The following DSE variants were observed in gnomAD, a reference collection of about 807,000 sequenced individuals.
The protein encoded by DSE is dermatan sulfate epimerase, also known as dermatan-sulfate epimerase.
Under a neutral mutation model 84.4 loss-of-function variants are expected in DSE, and 36 were observed. That is an observed-to-expected ratio of 0.43 (90% CI 0.33 to 0.56). The LOEUF is 0.56. DSE is among the 20% of genes least tolerant of loss of function. The pLI, the probability that DSE is intolerant of heterozygous loss-of-function variation, is 0.06. For missense variants in DSE, 862 were observed against 1,169.6 expected, an observed-to-expected ratio of 0.74 and a Z score of 3.84; for synonymous variants, 410 against 430.1, an observed-to-expected ratio of 0.95 and a Z score of 0.58.
intron 2 of DSE, among the ~76,000 whole-genome samples, chr6:116,424,114 G>A (rs1222836004): frequency 1.3e-5 from 2 of 152,170 alleles, no homozygotes; most frequent in African/African-American, 4.8e-5. Context: ...GGTGTATATA[G>A]TGCCATTTAT....
intron 2 of DSE, among the ~76,000 whole-genome samples, chr6:116,301,522 A>G (rs1775040534): frequency 6.6e-6 from 1 of 152,166 alleles, no homozygotes; most frequent in South Asian, 2.1e-4. Context: ...CTCACTCTTC[A>G]TCTTCCAATG....
intron 2 of DSE, among the ~76,000 whole-genome samples, chr6:116,300,888 G>T (rs1774996816): frequency 6.6e-6 from 1 of 152,164 alleles, no homozygotes; most frequent in Non-Finnish European, 1.5e-5. Flanking sequence ...CAATTTGAGT[G>T]AAGTCATTTA....
At chr6:116,335,659 G>A (rs1211854148) in intron 2 of DSE, among the ~76,000 whole-genome samples, 2 of 152,230 alleles carry the variant, frequency 1.3e-5, no homozygotes, top group African/African-American at 4.8e-5. Flanking sequence ...TTCATTCTAT[G>A]AAACAGAAGT....
chr6:116,284,467 C>T (rs892440194), intron 2 of DSE, among the ~76,000 whole-genome samples: 1 of 152,132 alleles, frequency 6.6e-6, no homozygotes, highest in Non-Finnish European at 1.5e-5. Flanking sequence ...AAGTTTGTCT[C>T]AAAAGCCTGT....
Position 116,437,638 on chromosome 6 carries a change from T to C in DSE, c.*293T>C, listed in dbSNP as rs1784268222. On this transcript the variant is annotated 3_prime_UTR_variant, in exon 6 of 6. Coordinates refer to ENST00000644252, the MANE Select transcript of DSE (RefSeq NM_013352.4). ...TAGAAGAAACAAAAAGTCTATTTTT[T>C]AAAGTAATGTTTTTTCTTATGAGAA... The C allele has an allele frequency of 9.1e-6, 2 of 219,810 alleles. No homozygotes were observed. Among genetic ancestry groups the C allele is most frequent in the Non-Finnish European group, 1.8e-5 (2 of 113,656 alleles). The allele number at this position is 219,810 out of a possible 1,614,324, so 13.6% of individuals were successfully genotyped here.
At chr6:116,329,782 G>A (rs1018004623) in intron 2 of DSE, among the ~76,000 whole-genome samples, 1 of 152,170 alleles carries the variant, frequency 6.6e-6, no homozygotes, top group African/African-American at 2.4e-5. Flanking sequence ...AACATAAAGT[G>A]ATTATTCTTC....
intron 2 of DSE, chr6:116,277,908 CAAAAAAAAAAAAAAA>C (rs57691187): frequency 3.5e-5 from 2 of 57,336 alleles, no homozygotes; most frequent in African/African-American, 5.6e-5. Context: ...TCCTCCGTCT[CAAAAAAAAAAAAAAA>C]AAAAAAAAAA....
At chr6:116,265,223 G>A (rs1226409495) in intron 2 of DSE, among the ~76,000 whole-genome samples, 1 of 152,134 alleles carries the variant, frequency 6.6e-6, no homozygotes, top group African/African-American at 2.4e-5. Flanking sequence ...CATGCTGGAG[G>A]TGGTGTTGAC....
chr6:116,387,041 T>C (rs1033018773), intron 1 of DSE, among the ~76,000 whole-genome samples: 2 of 152,196 alleles, frequency 1.3e-5, no homozygotes, highest in African/African-American at 2.4e-5. Flanking sequence ...CCAGATTAGA[T>C]TGCATAAGTG....
chr6:116,414,169 C>T (rs994196020), intron 2 of DSE, among the ~76,000 whole-genome samples: 1 of 152,096 alleles, frequency 6.6e-6, no homozygotes, highest in African/African-American at 2.4e-5. Flanking sequence ...TCTCTCAGTT[C>T]TGGAAGCTAG....
intron 2 of DSE, among the ~76,000 whole-genome samples, chr6:116,318,697 A>G (rs1007645653): frequency 2.6e-5 from 4 of 152,246 alleles, no homozygotes; most frequent in African/African-American, 9.6e-5. Flanking sequence ...GCATCAAATT[A>G]CCTGGCTAAT....
chr6:116,264,885 G>A (rs1353484607), intron 2 of DSE, among the ~76,000 whole-genome samples: 4 of 152,122 alleles, frequency 2.6e-5, no homozygotes, highest in African/African-American at 9.7e-5. Flanking sequence ...GTAATTCTGG[G>A]GGAACTTATA....
chr6:116,327,896 C>T (rs1776717406), intron 2 of DSE, among the ~76,000 whole-genome samples: 1 of 152,198 alleles, frequency 6.6e-6, no homozygotes, highest in South Asian at 2.1e-4. Context: ...GGTATTTTCA[C>T]TACTTTTAGT....
At chr6:116,433,585 G>T in intron 5 of DSE, 35 bp downstream of exon 5, 6 of 1,572,892 alleles carry the variant, frequency 3.8e-6, no homozygotes, top group Non-Finnish European at 5.2e-6. Context: ...AAGAGAAATG[G>T]TACCCAAGGG....
upstream of DSE, among the ~76,000 whole-genome samples, chr6:116,365,637 C>G (rs968821216): frequency 2.6e-5 from 4 of 152,172 alleles, no homozygotes; most frequent in African/African-American, 9.7e-5. Flanking sequence ...CTAACTCTGG[C>G]TGCACATTGG....
chr6:116,292,953 G>A lies in DSE; in HGVS notation c.-54+33986G>A, dbSNP rs77052973. ...GATGTGTACCCAGTTGCCAACAGTGGTGATCTCTGGGGGATGAGGATGGGA... is the reference window on the plus strand; with the variant it reads ...GATGTGTACCCAGTTGCCAACAGTGATGATCTCTGGGGGATGAGGATGGGA... On this transcript the variant is annotated intron_variant, in intron 2 of 3. Transcript: ENST00000430252. 8.6e-3 allele frequency among the ~76,000 whole-genome samples: 1,308 copies of A among 152,236 alleles called. 20 individuals are homozygous for A. Among genetic ancestry groups the A allele is most frequent in the African/African-American group, 0.03 (1,246 of 41,514 alleles).
chr6:116,352,391 A>C (rs905421750), intron 2 of DSE, among the ~76,000 whole-genome samples: 5 of 152,180 alleles, frequency 3.3e-5, no homozygotes, highest in Non-Finnish European at 7.3e-5. Context: ...TCCAAACACA[A>C]GGATTCCTCA....
chr6:116,333,043 T>C (rs1300801915), intron 2 of DSE, among the ~76,000 whole-genome samples: 2 of 152,190 alleles, frequency 1.3e-5, no homozygotes, highest in Admixed American at 6.6e-5. Flanking sequence ...GGAGAAAATA[T>C]AGAGCACTAG....
rs192135127 is a variant in DSE at position 116,437,961 on chromosome 6, T to G, written c.*616T>G. 2.9e-4 allele frequency: 44 copies of G among 152,498 alleles called. No individual in the cohort carries two copies. The highest frequency in any genetic ancestry group is 1.0e-3 in the African/African-American group (42 of 41,552). The allele number at this position is 152,498 out of a possible 1,614,324, so 9.4% of individuals were successfully genotyped here. On this transcript the variant is annotated 3_prime_UTR_variant, in exon 6 of 6. Transcript: ENST00000644252. ...AAGATCATTAAAAACTTAAAATATA[T>G]TTTATTAGAAAACATTTATCTATGA...
Sources: gnomAD v4.1 joint callset for allele counts (sites outside exome capture counted in the v4.1 genomes callset) on GRCh38, gnomAD v4.1.1 for gene constraint, MANE v1.5 for transcripts, NCBI Gene and HGNC (gene_info 2026-07-23, HGNC 2026-07-21) for gene names.